INTU: variants seen among roughly 807,000 people sequenced by gnomAD.
INTU encodes the protein inturned planar cell polarity protein.
Under a neutral mutation model 100.5 loss-of-function variants are expected in INTU, and 68 were observed. The ratio of observed to expected loss-of-function variants is 0.68; its 90% CI spans 0.56 to 0.83. The LOEUF (loss-of-function observed/expected upper bound fraction) is 0.83, where lower values mean the gene tolerates loss of function less well. Ranked by LOEUF, INTU falls within the 40% of genes least tolerant of loss-of-function variation. The pLI, the probability that INTU is intolerant of heterozygous loss-of-function variation, is 0.00. For synonymous variants in INTU, 357 were observed against 395.7 expected (o/e 0.90, Z 1.16); for missense variants, 1,071 against 1,114.7 (o/e 0.96, Z 0.56).
At chr4:127,684,894 G>C (rs1729746839) in intron 7 of INTU, among the ~76,000 whole-genome samples, 1 of 151,564 alleles carries the variant, frequency 6.6e-6, no homozygotes, top group Non-Finnish European at 1.5e-5. Flanking sequence ...TTTCTGTAGG[G>C]GCAAATGTAA....
intron 1 of INTU, among the ~76,000 whole-genome samples, chr4:127,636,123 A>G (rs1727058356): frequency 6.6e-6 from 1 of 152,102 alleles, no homozygotes. Flanking sequence ...TAAAAAAATT[A>G]GCCAGGCATG....
Position 127,725,617 on chromosome 4 carries a change from T to C in INTU, c.*9181T>C, listed in dbSNP as rs1731406303. On this transcript the variant is annotated 3_prime_UTR_variant, in exon 16 of 16. Coordinates refer to ENST00000335251, the MANE Select transcript of INTU (RefSeq NM_015693.4). Reference sequence around the variant, plus strand: ...TTCATTTAATGAAATTTTGATGTGTTGAACTGCTTTCCTGGTGTCAGAGAA... The same window carrying C: ...TTCATTTAATGAAATTTTGATGTGTCGAACTGCTTTCCTGGTGTCAGAGAA... The C allele has an allele frequency of 6.6e-6, 1 of 152,194 alleles. No individual in the cohort carries two copies. The highest frequency in any genetic ancestry group is 2.1e-4 in the South Asian group (1 of 4,822). The allele number at this position is 152,194 out of a possible 1,614,324, so 9.4% of individuals were successfully genotyped here.
At chr4:127,689,194 G>A (rs1175621003) in intron 8 of INTU, among the ~76,000 whole-genome samples, 1 of 151,494 alleles carries the variant, frequency 6.6e-6, no homozygotes, top group Non-Finnish European at 1.5e-5. Flanking sequence ...ATGTTTCCCA[G>A]GCTGGTCTCG....
chr4:127,670,677 C>T (rs894644236), intron 5 of INTU, among the ~76,000 whole-genome samples: 1 of 151,856 alleles, frequency 6.6e-6, no homozygotes, highest in African/African-American at 2.4e-5. Context: ...AAGAACAAAA[C>T]TTGGAGGCAT....
intron 13 of INTU, among the ~76,000 whole-genome samples, chr4:127,709,876 T>C (rs1046371113): frequency 4.6e-5 from 7 of 152,304 alleles, no homozygotes; most frequent in African/African-American, 1.7e-4. Context: ...CTGCATAAAA[T>C]AATACATTAG....
At chr4:127,635,091 C>T (rs967381938) in intron 1 of INTU, among the ~76,000 whole-genome samples, 5 of 152,132 alleles carry the variant, frequency 3.3e-5, no homozygotes, top group Admixed American at 1.3e-4. Context: ...TAGTTAACTG[C>T]GTGTTCTTTT....
At chr4:127,651,351 G>T (rs537731509) in intron 2 of INTU, among the ~76,000 whole-genome samples, 1 of 152,158 alleles carries the variant, frequency 6.6e-6, no homozygotes, top group Non-Finnish European at 1.5e-5. Flanking sequence ...TATGGTTTTA[G>T]GTCTAAGGTT....
At position 127,704,235 on chromosome 4, in the gene INTU, A is replaced by T; in HGVS notation, c.1511A>T (p.Asp504Val). 6.2e-7 allele frequency: 1 copy of T among 1,608,288 alleles called. No individual in the cohort carries two copies. Among genetic ancestry groups the T allele is most frequent in the Non-Finnish European group, 8.5e-7 (1 of 1,177,040 alleles). ...EAADFAELSE[D>V]YYDMRRLYTI... ...TATGAATTTTTCCCCCAGTCCGAGG[A>T]TTACTATGACATGAGGCGGCTGTAT... Residue 504 changes from aspartate (D) to valine (V), a missense_variant, in exon 10 of 16, where the codon GAT becomes GTT. Transcript: ENST00000335251.
intron 5 of INTU, among the ~76,000 whole-genome samples, chr4:127,671,323 T>G (rs1728916639): frequency 6.6e-6 from 1 of 152,064 alleles, no homozygotes; most frequent in African/African-American, 2.4e-5. Context: ...CAGACATTTT[T>G]TAAAAGAAGA....
chr4:127,712,396 A>T (rs1731126051), intron 14 of INTU, among the ~76,000 whole-genome samples: 1 of 152,148 alleles, frequency 6.6e-6, no homozygotes, highest in South Asian at 2.1e-4. Flanking sequence ...AAATGTTATA[A>T]AGGAATATTT....
At chr4:127,679,608 A>G (rs1007620939) in intron 6 of INTU, among the ~76,000 whole-genome samples, 10 of 152,224 alleles carry the variant, frequency 6.6e-5, no homozygotes, top group East Asian at 3.9e-4. Flanking sequence ...AAAGCAGTGC[A>G]TAGAGGGAAA....
At position 127,720,880 on chromosome 4, in the gene INTU, G is replaced by A. The variant is rs1303869330; in HGVS notation, c.*4444G>A. The A allele has an allele frequency of 6.6e-6, 1 of 152,060 alleles. No homozygotes were observed. Among genetic ancestry groups the A allele is most frequent in the East Asian group, 1.9e-4 (1 of 5,182 alleles). 9.4% of individuals were successfully genotyped at this position (152,060 alleles called of 1,614,324 possible). A position where few individuals can be genotyped will look rare whatever the true frequency, so the allele number is the denominator to read the frequency against. On this transcript the variant is annotated 3_prime_UTR_variant, in exon 16 of 16. Transcript: ENST00000335251. ...CTATGTGTGTCCTTGCATGTGAGAT[G>A]GGTCTCTTGAATACAGCACACTGAT...
Position 127,679,143 on chromosome 4 carries a change from CAAT to C in INTU, c.1181+4937_1181+4939del, listed in dbSNP as rs1222769715. ...CTACAAAGAGACTTAGACTCCCACA[CAAT>C]AATAATGGGAGACTTTAACACCCCA... On this transcript the variant is annotated intron_variant, in intron 6 of 15. Transcript: ENST00000335251. Among the ~76,000 whole-genome samples the C allele has an allele frequency of 2.0e-5, 3 of 151,960 alleles. No individual in the cohort carries two copies. In the East Asian group the frequency reaches 5.8e-4, roughly 29 times the overall value.
In INTU at chr4:127,697,670, A is replaced by G. The variant is rs185382604; in HGVS notation, c.1450-2340A>G. Among the ~76,000 whole-genome samples, 900 of 152,290 alleles carry G rather than the reference A, an allele frequency of 5.9e-3. 7 individuals carry two copies. Among genetic ancestry groups the G allele is most frequent in the Middle Eastern group, 0.031 (9 of 292 alleles). On this transcript the variant is annotated intron_variant, in intron 8 of 15. Transcript: ENST00000335251. ...TCTTTTTATGGCTAAATAGTATTCC[A>G]TTATGTATATATGGCACATTTTCTT...
intron 11 of INTU, 27 bp from the exon 12 acceptor site, chr4:127,706,460 C>G (rs1730881056): frequency 1.3e-6 from 2 of 1,566,064 alleles, no homozygotes; most frequent in African/African-American, 1.4e-5. Context: ...GTAGCTAAAC[C>G]TACATTTGTA....
chr4:127,725,080 G>GT lies in INTU; in HGVS notation c.*8647dup, dbSNP rs1731398185. The stretch of plus-strand genomic sequence containing the variant: ...GCAGGCAGATCACTTGAGGTCAGGC[G>GT]TTTGAGACCAGGCTGGTCAACATGG... On this transcript the variant is annotated 3_prime_UTR_variant, in exon 16 of 16. Transcript: ENST00000335251. 1 of 149,476 alleles carries GT rather than the reference G, an allele frequency of 6.7e-6. No homozygotes were observed. The highest frequency in any genetic ancestry group is 2.0e-4 in the East Asian group (1 of 5,048). 9.3% of individuals were successfully genotyped at this position (149,476 alleles called of 1,614,324 possible). A position where few individuals can be genotyped will look rare whatever the true frequency, so the allele number is the denominator to read the frequency against.
intron 2 of INTU, among the ~76,000 whole-genome samples, chr4:127,656,272 T>C (rs1467963101): frequency 1.3e-5 from 2 of 152,174 alleles, no homozygotes; most frequent in Admixed American, 6.5e-5. Context: ...TGGGTCTAAG[T>C]GGTTAGATTC....
At chr4:127,691,212 G>C (rs1730105975) in intron 8 of INTU, among the ~76,000 whole-genome samples, 1 of 152,030 alleles carries the variant, frequency 6.6e-6, no homozygotes, top group Admixed American at 6.6e-5. Context: ...ATGCTGAATA[G>C]TATTTCATTG....
At chr4:127,660,075 G>T (rs1410638317) in intron 3 of INTU, among the ~76,000 whole-genome samples, 1 of 152,138 alleles carries the variant, frequency 6.6e-6, no homozygotes, top group Non-Finnish European at 1.5e-5. Flanking sequence ...TATCACTCTG[G>T]ATGGGGGAGG....
Sources: allele counts gnomAD v4.1 joint callset (sites outside exome capture counted in the v4.1 genomes callset), GRCh38; gene constraint gnomAD v4.1.1; transcripts MANE v1.5; gene names NCBI Gene and HGNC (gene_info 2026-07-23, HGNC 2026-07-21).